The following IRGM variants were observed in gnomAD, a reference collection of about 807,000 sequenced individuals.
The protein encoded by IRGM is immunity-related GTPase family M protein.
For synonymous variants in IRGM, 98 were observed against 80.6 expected (o/e 1.22, Z -1.16); for missense variants, 288 against 219.9 (o/e 1.31, Z -1.96).
chr5:150,901,274 C>T (rs1456595085), downstream of IRGM, among the ~76,000 whole-genome samples: 1 of 152,030 alleles, frequency 6.6e-6, no homozygotes, highest in Non-Finnish European at 1.5e-5. Context: ...TTTACATTTT[C>T]TAGGAACCAC....
intron 1 of IRGM, among the ~76,000 whole-genome samples, chr5:150,866,723 C>A (rs1280536142): frequency 1.3e-5 from 2 of 152,304 alleles, no homozygotes; most frequent in South Asian, 2.1e-4. Context: ...ATAACTGTAA[C>A]TGATAATATG....
In IRGM at chr5:150,848,482, C is replaced by T. The variant is rs1259073219; in HGVS notation, c.359C>T (p.Ser120Phe). 6.4e-7 allele frequency: 1 copy of T among 1,551,830 alleles called. No individual in the cohort carries two copies. Among genetic ancestry groups the T allele is most frequent in the Non-Finnish European group, 8.7e-7 (1 of 1,146,992 alleles). ...FNRYDFIMVA[S>F]AQFSMNHVML... ...CGGTATGACTTCATCATGGTTGCAT[C>T]TGCACAATTCAGCATGAATCATGTG... The change falls in exon 2 of 2, where the codon TCT becomes TTT. Residue 120 changes from serine to phenylalanine, a missense_variant. Coordinates refer to ENST00000522154, the MANE Select transcript of IRGM (RefSeq NM_001145805.2).
In IRGM at chr5:150,847,220, GGTAA is replaced by G. The variant is rs374476431; in HGVS notation, c.-416+3_-416+6del. On this transcript the variant is annotated splice_donor_variant and splice_donor_region_variant and intron_variant, in intron 1 of 1. Coordinates refer to ENST00000522154, the MANE Select transcript of IRGM (RefSeq NM_001145805.2). LOFTEE classifies it low-confidence loss of function (5UTR_SPLICE). Reference sequence around the variant, plus strand: ...GCACGTGTGCTCCCCCGCCTGATGAGGTAAGTGTTAAACAGGGATGATCACAGCT... The same window carrying G: ...GCACGTGTGCTCCCCCGCCTGATGAGGTGTTAAACAGGGATGATCACAGCT... 4.6e-5 allele frequency: 7 copies of G among 152,470 alleles called. No individual in the cohort carries two copies. The highest frequency in any genetic ancestry group is 1.4e-4 in the African/African-American group (6 of 41,546). 9.4% of individuals were successfully genotyped at this position (152,470 alleles called of 1,614,324 possible). A position where few individuals can be genotyped will look rare whatever the true frequency, so the allele number is the denominator to read the frequency against.
intron 1 of IRGM, among the ~76,000 whole-genome samples, chr5:150,874,771 C>T (rs989183872): frequency 6.6e-5 from 10 of 152,198 alleles, no homozygotes; most frequent in South Asian, 2.1e-4. Flanking sequence ...GGCAGGCCCT[C>T]ATAAGTGAAT....
At chr5:150,850,553 CAT>C (rs1448745624), downstream of IRGM, among the ~76,000 whole-genome samples, 21 of 152,126 alleles carry the variant, frequency 1.4e-4, no homozygotes, top group African/African-American at 4.3e-4. Flanking sequence ...AGTGGGAAGA[CAT>C]ATTATTATGT....
chr5:150,866,198 G>A (rs1317238101), intron 1 of IRGM, among the ~76,000 whole-genome samples: 1 of 152,186 alleles, frequency 6.6e-6, no homozygotes, highest in Non-Finnish European at 1.5e-5. Context: ...ATTCTGATAA[G>A]TCATTTCCAG....
chr5:150,848,133 A>G lies in IRGM; in HGVS notation c.10A>G (p.Met4Val), dbSNP rs1040621750. 7 of 1,543,978 alleles carry G rather than the reference A, an allele frequency of 4.5e-6. No homozygotes were observed. The highest frequency in any genetic ancestry group is 2.4e-5 in the East Asian group (1 of 40,890). Reference protein sequence around the residue: MEAMNVEKASADGN... With the variant: MEAVNVEKASADGN... ...GGGTATTTTATTGAAGATGGAAGCC[A>G]TGAATGTTGAGAAAGCCTCAGCAGA... is the stretch of plus-strand genomic sequence containing the variant. The change falls in exon 2 of 2, where the codon ATG (methionine) becomes GTG (valine). Residue 4 changes from methionine to valine, a missense_variant. Met to Val is a conservative substitution (Grantham distance 21, BLOSUM62 1). Coordinates refer to ENST00000522154, the MANE Select transcript of IRGM (RefSeq NM_001145805.2).
At chr5:150,888,775 C>T (rs1754562217) in intron 3 of IRGM, among the ~76,000 whole-genome samples, 1 of 152,026 alleles carries the variant, frequency 6.6e-6, no homozygotes, top group Non-Finnish European at 1.5e-5. Context: ...ATACCAGAAT[C>T]TCTGAGACAC....
In IRGM at chr5:150,848,088, A is replaced by G. The variant is rs1250519504; in HGVS notation, c.-36A>G. On this transcript the variant is annotated 5_prime_UTR_variant, in exon 2 of 2. Coordinates refer to ENST00000522154, the MANE Select transcript of IRGM (RefSeq NM_001145805.2). ...AGTGCTGGGATTACAGGCATGAGCC[A>G]CGGCGCCTGGCCAGCATTGGGGTAT... 5.3e-6 allele frequency: 8 copies of G among 1,497,948 alleles called. No homozygotes were observed. Among genetic ancestry groups the G allele is most frequent in the Admixed American group, 2.2e-5 (1 of 46,228 alleles). 92.8% of individuals were successfully genotyped at this position (1,497,948 alleles called of 1,614,324 possible). A position where few individuals can be genotyped will look rare whatever the true frequency, so the allele number is the denominator to read the frequency against.
chr5:150,879,116 T>C (rs940351303), intron 2 of IRGM, among the ~76,000 whole-genome samples: 1 of 152,114 alleles, frequency 6.6e-6, no homozygotes, highest in Non-Finnish European at 1.5e-5. Context: ...AAATCCAAAA[T>C]GCTGATGGTA....
At chr5:150,854,261 T>G (rs1314319085) in intron 1 of IRGM, among the ~76,000 whole-genome samples, 3 of 152,144 alleles carry the variant, frequency 2.0e-5, no homozygotes, top group African/African-American at 7.2e-5. Context: ...TTTATATATG[T>G]TGTGTACCTA....
At chr5:150,895,964 AAT>A in intron 3 of IRGM, 1 of 1,613,238 alleles carries the variant, frequency 6.2e-7, no homozygotes, top group Non-Finnish European at 8.5e-7. Flanking sequence ...TTTTATGTAT[AAT>A]GAGGTGGGAC....
At chr5:150,859,505 C>G (rs191198973) in intron 1 of IRGM, among the ~76,000 whole-genome samples, 1 of 152,134 alleles carries the variant, frequency 6.6e-6, no homozygotes, top group Non-Finnish European at 1.5e-5. Context: ...AGGAATGGTA[C>G]CAGCTCCTCT....
intron 1 of IRGM, among the ~76,000 whole-genome samples, chr5:150,864,734 T>C (rs1227066592): frequency 6.6e-6 from 1 of 152,244 alleles, no homozygotes; most frequent in Non-Finnish European, 1.5e-5. Context: ...TCCTATTCTG[T>C]ACATTGGCTT....
At chr5:150,878,083 G>A (rs763349964) in exon 2 of IRGM, 12 of 461,626 alleles carry the variant, frequency 2.6e-5, no homozygotes, top group Middle Eastern at 3.3e-4. Flanking sequence ...GATCAGCTCC[G>A]CAAGCCCTAG....
intron 1 of IRGM, among the ~76,000 whole-genome samples, chr5:150,873,056 C>G (rs557302004): frequency 3.9e-5 from 6 of 152,154 alleles, no homozygotes; most frequent in African/African-American, 4.8e-5. Context: ...CGAGGTGGCA[C>G]GAGCCAAGTG....
intron 3 of IRGM, among the ~76,000 whole-genome samples, chr5:150,886,448 T>A (rs1754523819): frequency 6.6e-6 from 1 of 152,054 alleles, no homozygotes; most frequent in Non-Finnish European, 1.5e-5. Context: ...CATCCTCAAT[T>A]TTTTGGAATA....
At chr5:150,881,617 T>C (rs1416941709) in intron 3 of IRGM, among the ~76,000 whole-genome samples, 1 of 152,162 alleles carries the variant, frequency 6.6e-6, no homozygotes, top group African/African-American at 2.4e-5. Context: ...ATCACCTATA[T>C]CTTTAGTATA....
chr5:150,885,958 G>C (rs1400125823), intron 3 of IRGM, among the ~76,000 whole-genome samples: 2 of 152,070 alleles, frequency 1.3e-5, no homozygotes, highest in African/African-American at 4.8e-5. Context: ...TTGAAGAGTG[G>C]TGAGAGAGGG....
Sources: gnomAD v4.1 joint callset for allele counts (sites outside exome capture counted in the v4.1 genomes callset) on GRCh38, gnomAD v4.1.1 for gene constraint, MANE v1.5 for transcripts, NCBI Gene and HGNC (gene_info 2026-07-23, HGNC 2026-07-21) for gene names.